SPATA13: variants seen among roughly 807,000 people sequenced by gnomAD.
SPATA13 encodes the protein spermatogenesis associated 13.
A neutral mutation model predicts 104.0 loss-of-function variants in SPATA13; 50 were observed. The observed-to-expected ratio is 0.48, with a 90% CI of 0.38 to 0.61. The LOEUF (loss-of-function observed/expected upper bound fraction) is 0.61, where lower values mean the gene tolerates loss of function less well. Among genes scored for constraint, SPATA13 ranks in the 20% least tolerant of loss-of-function variants. The pLI is 0.00. For synonymous variants in SPATA13, 606 were observed against 667.5 expected, an observed-to-expected ratio of 0.91 and a Z score of 1.42; for missense variants, 1,524 against 1,690.6, an observed-to-expected ratio of 0.90 and a Z score of 1.73.
intron 3 of SPATA13, among the ~76,000 whole-genome samples, chr13:24,116,737 TC>T (rs34893019): frequency 0.17 from 25,411 of 150,678 alleles, 3,303 homozygotes; most frequent in African/African-American, 0.35. Flanking sequence ...CTTAACTGTG[TC>T]CCCCAAAATT....
intron 2 of SPATA13, among the ~76,000 whole-genome samples, chr13:24,242,496 C>T (rs1371762593): frequency 6.6e-6 from 1 of 152,212 alleles, no homozygotes. Context: ...GGGGTCATGT[C>T]TAGTGCTGGC....
At chr13:24,067,618 G>T (rs986337590) in intron 3 of SPATA13, among the ~76,000 whole-genome samples, 1 of 152,210 alleles carries the variant, frequency 6.6e-6, no homozygotes, top group East Asian at 1.9e-4. Context: ...AGTTAACAGC[G>T]TGGAAGGCTC....
chr13:24,101,553 A>G (rs185123315), intron 3 of SPATA13, among the ~76,000 whole-genome samples: 101 of 152,342 alleles, frequency 6.6e-4, no homozygotes, highest in African/African-American at 2.4e-3. Flanking sequence ...AGTAGTGTTA[A>G]CCCTATGCAC....
chr13:24,109,179 G>T (rs547934436), intron 3 of SPATA13, among the ~76,000 whole-genome samples: 92 of 152,202 alleles, frequency 6.0e-4, no homozygotes, highest in Middle Eastern at 3.4e-3. Flanking sequence ...TCATTGTTCA[G>T]TTCCCACCTA....
intron 3 of SPATA13, among the ~76,000 whole-genome samples, chr13:24,118,874 A>G (rs1292310879): frequency 6.6e-6 from 1 of 150,678 alleles, no homozygotes; most frequent in Non-Finnish European, 1.5e-5. Context: ...AAAGATTCCA[A>G]CTCTGTCAGG....
rs2137787293 is a variant in SPATA13, at chr13:24,088,162, T to C, written c.-112+70461T>C. 6.6e-6 allele frequency among the ~76,000 whole-genome samples: 1 copy of C among 152,302 alleles called. No individual in the cohort carries two copies. Among genetic ancestry groups the C allele is most frequent in the African/African-American group, 2.4e-5 (1 of 41,560 alleles). On this transcript the variant is annotated intron_variant, in intron 3 of 14. Transcript: ENST00000424834. The surrounding 1 kb of genome is among the most constrained non-coding windows in gnomAD (Gnocchi z 4.3). ...CGATGGTGGACTGTCATATGAAAAC[T>C]TGGGCTGAGGTGTGTCCTGGCAGAC...
At position 24,165,265 on chromosome 13, in the gene SPATA13, C is replaced by T. The variant is rs141953719; in HGVS notation, c.-112+4333C>T. Among the ~76,000 whole-genome samples, 1,152 of 152,270 alleles carry T rather than the reference C, an allele frequency of 7.6e-3. 7 individuals carry two copies. Among genetic ancestry groups the T allele is most frequent in the Non-Finnish European group, 0.011 (737 of 68,014 alleles). ...TGTCACTTGAGGGATTCTGTGCCTG[C>T]CTCAGACTGTCTCCCACCCCAGCAT... On this transcript the variant is annotated intron_variant, in intron 1 of 12. Coordinates refer to ENST00000382108, the MANE Select transcript of SPATA13 (RefSeq NM_001166271.3).
chr13:24,031,532 A>G (rs1366426493), intron 3 of SPATA13, among the ~76,000 whole-genome samples: 2 of 152,224 alleles, frequency 1.3e-5, no homozygotes, highest in Non-Finnish European at 2.9e-5. Flanking sequence ...AGATTTAAGT[A>G]ACTTAAAGAA....
chr13:24,082,615 T>A (rs1879562998), intron 3 of SPATA13, among the ~76,000 whole-genome samples: 1 of 149,882 alleles, frequency 6.7e-6, no homozygotes, highest in African/African-American at 2.5e-5. Flanking sequence ...GGTCAGGAGA[T>A]CGAGACCATC....
Position 24,173,371 on chromosome 13 carries a change from T to TGTGC in SPATA13, c.-112+12442_-112+12443insCGTG, listed in dbSNP as rs1883070145. 3.1e-4 allele frequency among the ~76,000 whole-genome samples: 19 copies of TGTGC among 60,422 alleles called. No homozygotes were observed. In the South Asian group the frequency reaches 8.5e-3, roughly 27 times the overall value. 39.6% of individuals were successfully genotyped at this position (60,422 alleles called of 152,430 possible). A position where few individuals can be genotyped will look rare whatever the true frequency, so the allele number is the denominator to read the frequency against. On this transcript the variant is annotated intron_variant, in intron 1 of 12. Transcript: ENST00000382108. ...ACTCATTAGTTCTTAGTTGTGTGTG[T>TGTGC]GTGTGTGTGTGTGTGTGTGTGTGTG...
intron 2 of SPATA13, among the ~76,000 whole-genome samples, chr13:23,995,492 C>T (rs1310346913): frequency 6.6e-6 from 1 of 152,142 alleles, no homozygotes; most frequent in Non-Finnish European, 1.5e-5. Context: ...TAACAGAGGT[C>T]AGGTCTGGCA....
At chr13:24,091,341 T>C (rs1396005834) in intron 3 of SPATA13, among the ~76,000 whole-genome samples, 1 of 152,242 alleles carries the variant, frequency 6.6e-6, no homozygotes, top group African/African-American at 2.4e-5. Context: ...CATTCCCTAG[T>C]ATTTCCTTTT....
At position 24,122,003 on chromosome 13, in the gene SPATA13, C is replaced by T; in HGVS notation, c.-111-100816C>T. The T allele has an allele frequency of 1.3e-5, 15 of 1,148,384 alleles. No individual in the cohort carries two copies. The South Asian group carries it at 1.6e-4, about 12-fold the overall frequency. 71.1% of individuals were successfully genotyped at this position (1,148,384 alleles called of 1,614,324 possible). A position where few individuals can be genotyped will look rare whatever the true frequency, so the allele number is the denominator to read the frequency against. On this transcript the variant is annotated intron_variant, in intron 3 of 14. Coordinates refer to the SPATA13 transcript ENST00000424834. The stretch of plus-strand genomic sequence containing the variant: ...TAGATAACATGAACCACTTCTGGAA[C>T]CACTGCTAGGACGAACACAAGCTCT...
At chr13:24,033,368 C>T (rs1877549859) in intron 3 of SPATA13, 1 of 152,204 alleles carries the variant, frequency 6.6e-6, no homozygotes, top group South Asian at 2.1e-4. Context: ...CATTGCATTT[C>T]CCTCTGTTCT....
intron 3 of SPATA13, among the ~76,000 whole-genome samples, chr13:24,100,907 C>G (rs1377812029): frequency 6.6e-6 from 1 of 152,156 alleles, no homozygotes; most frequent in Non-Finnish European, 1.5e-5. Flanking sequence ...TGCATTCATG[C>G]GTTCTCTTGA....
chr13:24,034,667 C>G (rs1441963418), intron 3 of SPATA13: 3 of 152,188 alleles, frequency 2.0e-5, no homozygotes, highest in Non-Finnish European at 4.4e-5. Flanking sequence ...GGGAGGTTCA[C>G]CAGGTGGAAG....
In SPATA13 at chr13:24,297,670, A is replaced by T. The variant is rs1251338091; in HGVS notation, c.3518A>T (p.Asp1173Val). The T allele has an allele frequency of 6.2e-7, 1 of 1,614,128 alleles. No individual in the cohort carries two copies. The highest frequency in any genetic ancestry group is 8.5e-7 in the Non-Finnish European group (1 of 1,180,058). ...VYLFCAKKQEDKARWLQACAD... is the reference protein window; with the variant it reads ...VYLFCAKKQEVKARWLQACAD... ...TTGTTTTGTGCCAAAAAACAAGAAG[A>T]CAAGGCGAGGTGGCTGCAGGCCTGT... Residue 1173 changes from aspartate (D) to valine (V), a missense_variant, in exon 11 of 13, where the codon GAC (aspartate) becomes GTC (valine). Around this residue, in one of 2 missense-constraint regions of SPATA13, gnomAD observed 435 missense variants for 554.8 expected, o/e 0.78. Coordinates refer to ENST00000382108, the MANE Select transcript of SPATA13 (RefSeq NM_001166271.3).
Position 24,236,513 on chromosome 13 carries a change from T to G in SPATA13, c.1653+11931T>G, listed in dbSNP as rs1456955820. ...GGGGAGGCTGAGGCAGGAGAATCACTTGAACCCAGGCGGCGGAGGTTGCAG... is the reference window on the plus strand; with the variant it reads ...GGGGAGGCTGAGGCAGGAGAATCACGTGAACCCAGGCGGCGGAGGTTGCAG... On this transcript the variant is annotated intron_variant, in intron 2 of 12. Transcript: ENST00000382108. Among the ~76,000 whole-genome samples, 4 of 151,210 alleles carry G rather than the reference T, an allele frequency of 2.6e-5. No homozygotes were observed. In the East Asian group the frequency reaches 7.8e-4, roughly 29 times the overall value.
intron 1 of SPATA13, among the ~76,000 whole-genome samples, chr13:24,170,560 C>T (rs1490567957): frequency 4.6e-5 from 7 of 152,160 alleles, no homozygotes; most frequent in African/African-American, 1.2e-4. Context: ...CCTGTGGAAG[C>T]GCCATCCCCT....
Sources: gnomAD v4.1 joint callset for allele counts (sites outside exome capture counted in the v4.1 genomes callset) on GRCh38, gnomAD v4.1.1 for gene constraint, gnomAD v4.1.1 regional missense constraint, Gnocchi (gnomAD v3.1) non-coding constraint, MANE v1.5 for transcripts, NCBI Gene and HGNC (gene_info 2026-07-23, HGNC 2026-07-21) for gene names.